The following NPAS3 variants were observed in gnomAD, a reference collection of about 807,000 sequenced individuals.
NPAS3 encodes the protein neuronal PAS domain-containing protein 3.
In NPAS3, 14 loss-of-function variants were observed where a neutral mutation model predicts 73.1. That is an observed-to-expected ratio of 0.19 (90% CI 0.13 to 0.30). NPAS3 has a LOEUF of 0.30. Ranked by LOEUF, NPAS3 falls within the 10% of genes least tolerant of loss-of-function variation. The pLI, the probability that NPAS3 is intolerant of heterozygous loss-of-function variation, is 1.00. For missense variants in NPAS3, 1,096 were observed against 1,250.0 expected, an observed-to-expected ratio of 0.88 and a Z score of 1.86; for synonymous variants, 620 against 541.5, an observed-to-expected ratio of 1.14 and a Z score of -2.01.
chr14:33,628,723 G>A (rs1286937834), intron 5 of NPAS3, among the ~76,000 whole-genome samples: 1 of 152,188 alleles, frequency 6.6e-6, no homozygotes, highest in Non-Finnish European at 1.5e-5. Flanking sequence ...TGGCTCTTCT[G>A]TCTTACTTTT....
intron 2 of NPAS3, among the ~76,000 whole-genome samples, chr14:33,191,731 A>G (rs1306744945): frequency 1.3e-5 from 2 of 152,260 alleles, no homozygotes; most frequent in Non-Finnish European, 2.9e-5. Context: ...GAAGGCTTCA[A>G]TTAACTCCAT....
chr14:33,426,427 G>A (rs750469203), intron 4 of NPAS3, among the ~76,000 whole-genome samples: 3 of 152,050 alleles, frequency 2.0e-5, no homozygotes, highest in Admixed American at 6.6e-5. Flanking sequence ...GAATGTAGAT[G>A]AGATCATGGA....
intron 2 of NPAS3, among the ~76,000 whole-genome samples, chr14:33,135,779 G>A (rs1047679435): frequency 2.0e-5 from 3 of 152,116 alleles, no homozygotes; most frequent in Admixed American, 1.3e-4. Context: ...GGAGTGGGTC[G>A]GGGTAAATAA....
intron 9 of NPAS3, among the ~76,000 whole-genome samples, chr14:33,787,300 T>C (rs1367160747): frequency 1.3e-5 from 2 of 152,222 alleles, no homozygotes; most frequent in African/African-American, 4.8e-5. Context: ...ATTTATTTTT[T>C]AAGCTTAACA....
chr14:33,089,254 A>C (rs971100378), intron 2 of NPAS3, among the ~76,000 whole-genome samples: 7 of 152,302 alleles, frequency 4.6e-5, no homozygotes, highest in Non-Finnish European at 7.4e-5. Flanking sequence ...GCTTTGAGAA[A>C]AGATTAGATG....
At chr14:33,386,947 C>T (rs1036342000) in intron 4 of NPAS3, among the ~76,000 whole-genome samples, 4 of 151,916 alleles carry the variant, frequency 2.6e-5, no homozygotes, top group Non-Finnish European at 4.4e-5. Flanking sequence ...TAAATGGTTT[C>T]TGTCAGTTTG....
At chr14:33,431,751 C>T (rs2048793312) in intron 4 of NPAS3, among the ~76,000 whole-genome samples, 1 of 151,918 alleles carries the variant, frequency 6.6e-6, no homozygotes, top group Non-Finnish European at 1.5e-5. Flanking sequence ...TTTGATGATT[C>T]TTTTTTTATA....
intron 3 of NPAS3, among the ~76,000 whole-genome samples, chr14:33,280,102 C>T (rs1389215722): frequency 6.6e-6 from 1 of 152,164 alleles, no homozygotes; most frequent in African/African-American, 2.4e-5. Flanking sequence ...GGCGGAGAGT[C>T]TCAGCACACA....
chr14:33,291,906 G>A (rs756873928), intron 3 of NPAS3, among the ~76,000 whole-genome samples: 32 of 152,216 alleles, frequency 2.1e-4, no homozygotes, highest in Non-Finnish European at 4.0e-4. Context: ...ATAGCCAGGG[G>A]ATCAAAGCCA....
intron 4 of NPAS3, among the ~76,000 whole-genome samples, chr14:33,409,519 A>AT (rs2047823438): frequency 6.6e-6 from 1 of 152,146 alleles, no homozygotes; most frequent in Non-Finnish European, 1.5e-5. Context: ...CTATAAACTC[A>AT]TTTTTTGGGA....
intron 2 of NPAS3, among the ~76,000 whole-genome samples, chr14:33,086,324 GT>G (rs2042024221): frequency 6.6e-6 from 1 of 152,082 alleles, no homozygotes; most frequent in East Asian, 1.9e-4. Context: ...GTATATTCTT[GT>G]TTTGATTTAA....
At chr14:33,755,226 A>G (rs1269731423) in intron 7 of NPAS3, among the ~76,000 whole-genome samples, 1 of 152,242 alleles carries the variant, frequency 6.6e-6, no homozygotes, top group Middle Eastern at 3.2e-3. Context: ...GTGACTGTGA[A>G]TACCCAATAT....
intron 2 of NPAS3, among the ~76,000 whole-genome samples, chr14:33,097,047 G>T (rs749237962): frequency 8.2e-4 from 120 of 145,480 alleles, no homozygotes; most frequent in Non-Finnish European, 1.5e-3. Context: ...AGACATTCTT[G>T]TTGCCACTCT....
chr14:33,326,334 G>C (rs1488415743), intron 3 of NPAS3, among the ~76,000 whole-genome samples: 6 of 152,164 alleles, frequency 3.9e-5, no homozygotes, highest in Admixed American at 3.9e-4. Flanking sequence ...AACAGAGAAT[G>C]CAGAAAGAAA....
intron 4 of NPAS3, among the ~76,000 whole-genome samples, chr14:33,446,730 T>C (rs1231980114): frequency 6.6e-6 from 1 of 152,206 alleles, no homozygotes; most frequent in Non-Finnish European, 1.5e-5. Context: ...TTTTATAAAA[T>C]CTTTATGACT....
intron 5 of NPAS3, among the ~76,000 whole-genome samples, chr14:33,650,979 G>A (rs1465015680): frequency 5.3e-5 from 8 of 152,220 alleles, no homozygotes; most frequent in Non-Finnish European, 1.5e-5. Flanking sequence ...AGGGAGGAAG[G>A]AAGGGAGGCT....
chr14:33,010,914 G>A (rs2039166409), intron 1 of NPAS3, among the ~76,000 whole-genome samples: 1 of 141,608 alleles, frequency 7.1e-6, no homozygotes, highest in Non-Finnish European at 1.5e-5. Context: ...CAGCCTGGGT[G>A]AGTGACAGAG....
At chr14:33,387,301 G>A (rs2046813180) in intron 4 of NPAS3, among the ~76,000 whole-genome samples, 1 of 152,160 alleles carries the variant, frequency 6.6e-6, no homozygotes, top group Non-Finnish European at 1.5e-5. Context: ...ATTCGAGGTT[G>A]GATGTTGGGG....
At chr14:33,265,812 T>C (rs2040788306) in intron 3 of NPAS3, among the ~76,000 whole-genome samples, 1 of 152,146 alleles carries the variant, frequency 6.6e-6, no homozygotes, top group African/African-American at 2.4e-5. Context: ...AAAAGGAATC[T>C]ACGTTGGCTT....
Sources: gnomAD v4.1 joint callset for allele counts (sites outside exome capture counted in the v4.1 genomes callset) on GRCh38, gnomAD v4.1.1 for gene constraint, MANE v1.5 for transcripts, NCBI Gene and HGNC (gene_info 2026-07-23, HGNC 2026-07-21) for gene names.